Variants in ZNF800 observed in about 807,000 individuals in gnomAD.
ZNF800 encodes the protein zinc finger protein 800.
ZNF800 carries 13 observed loss-of-function variants against 59.5 expected under a neutral mutation model. The ratio of observed to expected loss-of-function variants is 0.22; its 90% CI spans 0.14 to 0.35. The LOEUF is 0.35. Among genes scored for constraint, ZNF800 ranks in the 10% least tolerant of loss-of-function variants. The probability of loss-of-function intolerance (pLI) is 1.00; values close to 1 mark genes in which losing one functional copy is unlikely to be tolerated. For missense variants in ZNF800, 621 were observed against 783.7 expected, an observed-to-expected ratio of 0.79 and a Z score of 2.48; for synonymous variants, 266 against 265.7, an observed-to-expected ratio of 1.00 and a Z score of -0.01.
intron 2 of ZNF800, among the ~76,000 whole-genome samples, chr7:127,390,015 T>G (rs1801257192): frequency 6.6e-6 from 1 of 152,174 alleles, no homozygotes; most frequent in African/African-American, 2.4e-5. Context: ...GAAAGAACTT[T>G]ATCTGTCTTG....
At chr7:127,388,960 T>C (rs1216739943) in intron 2 of ZNF800, among the ~76,000 whole-genome samples, 1 of 152,158 alleles carries the variant, frequency 6.6e-6, no homozygotes, top group Non-Finnish European at 1.5e-5. Context: ...CCAGGTTACA[T>C]GACCATTTAG....
chr7:127,346,038 A>T (rs180963256), downstream of ZNF800, among the ~76,000 whole-genome samples: 1 of 152,310 alleles, frequency 6.6e-6, no homozygotes, highest in African/African-American at 2.4e-5. Context: ...AACCTAAGGA[A>T]GAAGTCCTTG....
downstream of ZNF800, among the ~76,000 whole-genome samples, chr7:127,343,307 G>C (rs1186764457): frequency 6.6e-6 from 1 of 151,382 alleles, no homozygotes; most frequent in Non-Finnish European, 1.5e-5. Context: ...AAAAAGACTG[G>C]CAAGTCTAAT....
chr7:127,357,810 T>C (rs750489072), intron 1 of ZNF800, among the ~76,000 whole-genome samples: 1 of 151,828 alleles, frequency 6.6e-6, no homozygotes. Flanking sequence ...ATCAAATACA[T>C]GTTATATTAC....
chr7:127,391,389 C>T, intron 2 of ZNF800, 108 bp downstream of exon 2: 1 of 1,083,346 alleles, frequency 9.2e-7, no homozygotes, highest in South Asian at 1.3e-5. Context: ...AATATCATAG[C>T]CTGCTTAAGA....
rs968873575 is a variant in ZNF800 at position 127,372,487 on chromosome 7, A to C, written c.*-673T>G. 4 of 639,698 alleles carry C rather than the reference A, an allele frequency of 6.3e-6. No individual in the cohort carries two copies. In the African/African-American group the frequency reaches 7.9e-5, roughly 13 times the overall value. The allele number at this position is 639,698 out of a possible 1,614,324, so 39.6% of individuals were successfully genotyped here. The stretch of plus-strand genomic sequence containing the variant: ...AAGAGCGAAACTCCGTCTCAAAAAA[A>C]AAAAAAAAAAAGTAGTATTTTTCTT... On this transcript the variant is annotated intron_variant, in intron 5 of 5. Transcript: ENST00000265827.
intron 2 of ZNF800, 142 bp downstream of exon 2, chr7:127,391,355 C>A: frequency 1.3e-6 from 1 of 787,776 alleles, no homozygotes; most frequent in Non-Finnish European, 2.1e-6. Flanking sequence ...AAGCTTTTAG[C>A]TTCATAACTG....
rs1385219735 is a variant in ZNF800 at position 127,392,633 on chromosome 7, A to T, written c.-632T>A. 1 of 160,518 alleles carries T rather than the reference A, an allele frequency of 6.2e-6. No homozygotes were observed. Among genetic ancestry groups the T allele is most frequent in the Non-Finnish European group, 1.4e-5 (1 of 73,800 alleles). The allele number at this position is 160,518 out of a possible 1,614,324, so 9.9% of individuals were successfully genotyped here. A position where few individuals can be genotyped will look rare whatever the true frequency, so the allele number is the denominator to read the frequency against. On this transcript the variant is annotated 5_prime_UTR_variant, in exon 1 of 6. Coordinates refer to ENST00000265827, the MANE Select transcript of ZNF800 (RefSeq NM_176814.5). ...TACTCTGTCGCCCCCTCCTCCGGAG[A>T]GCCCGAGCTACCGCCGCGGAGCGCG... is the stretch of plus-strand genomic sequence containing the variant.
rs1399963922 is a variant in ZNF800 at position 127,392,658 on chromosome 7, G to A, written c.-657C>T. 6.4e-6 allele frequency: 1 copy of A among 156,166 alleles called. No individual in the cohort carries two copies. The highest frequency in any genetic ancestry group is 2.4e-5 in the African/African-American group (1 of 41,664). 9.7% of individuals were successfully genotyped at this position (156,166 alleles called of 1,614,324 possible). A position where few individuals can be genotyped will look rare whatever the true frequency, so the allele number is the denominator to read the frequency against. On this transcript the variant is annotated 5_prime_UTR_variant, in exon 1 of 6. It adds an upstream start codon to the 5' untranslated region. Coordinates refer to ENST00000265827, the MANE Select transcript of ZNF800 (RefSeq NM_176814.5). ...AGCCCGAGCTACCGCCGCGGAGCGC[G>A]TAGGAAGGGGGAAGCAGAGACTCTC...
intron 2 of ZNF800, 42 bp from the exon 3 acceptor site, chr7:127,386,197 A>T: frequency 7.9e-7 from 1 of 1,257,900 alleles, no homozygotes; most frequent in Non-Finnish European, 1.1e-6. Flanking sequence ...CCACAAAAAA[A>T]GGGTTATTTA....
chr7:127,369,449 T>C (rs1452514563), downstream of ZNF800, among the ~76,000 whole-genome samples: 2 of 152,104 alleles, frequency 1.3e-5, no homozygotes, highest in Non-Finnish European at 2.9e-5. Flanking sequence ...GCCTTAAGCC[T>C]GAGCCCCTGA....
chr7:127,346,608 C>T (rs1192399079), downstream of ZNF800, among the ~76,000 whole-genome samples: 2 of 152,092 alleles, frequency 1.3e-5, no homozygotes, highest in East Asian at 1.9e-4. Flanking sequence ...AATGAAGCAA[C>T]GAATTAGCTG....
intron 2 of ZNF800, among the ~76,000 whole-genome samples, chr7:127,386,789 T>C (rs1361642515): frequency 1.3e-5 from 2 of 152,234 alleles, no homozygotes; most frequent in African/African-American, 2.4e-5. Context: ...GACTTTTTCA[T>C]GGCTGTTAGA....
chr7:127,382,462 T>A (rs530181994), intron 3 of ZNF800, among the ~76,000 whole-genome samples: 1 of 152,050 alleles, frequency 6.6e-6, no homozygotes, highest in African/African-American at 2.4e-5. Flanking sequence ...AAACTGAAAG[T>A]GTTATAGAGA....
chr7:127,372,331 T>C (rs1174186118), intron 5 of ZNF800, among the ~76,000 whole-genome samples: 1 of 151,814 alleles, frequency 6.6e-6, no homozygotes, highest in Non-Finnish European at 1.5e-5. Context: ...AAATACAAAA[T>C]TAGCCGGGTG....
rs1587462007 is a variant in ZNF800, at chr7:127,392,453, G to A, written c.-452C>T. ...GGCTTCCCTCGCCGGGGCAACGGCT[G>A]CCGCCGCAACCCGGGTCCCACCAGC... On this transcript the variant is annotated 5_prime_UTR_variant, in exon 1 of 6. Transcript: ENST00000265827. The A allele has an allele frequency of 5.4e-6, 2 of 370,770 alleles. No individual in the cohort carries two copies. Among genetic ancestry groups the A allele is most frequent in the African/African-American group, 4.2e-5 (2 of 47,818 alleles). 23.0% of individuals were successfully genotyped at this position (370,770 alleles called of 1,614,324 possible). A position where few individuals can be genotyped will look rare whatever the true frequency, so the allele number is the denominator to read the frequency against.
chr7:127,352,211 T>A (rs1245461436), intron 1 of ZNF800, among the ~76,000 whole-genome samples: 1 of 152,308 alleles, frequency 6.6e-6, no homozygotes, highest in Admixed American at 6.5e-5. Context: ...GTCTTTGATA[T>A]TACAAGTAAC....
At position 127,384,227 on chromosome 7, in the gene ZNF800, C is replaced by CTTTTTTTTTTTTTTTTTTTTTTTTTTTT. The variant is rs577977623; in HGVS notation, c.157+1832_157+1833insAAAAAAAAAAAAAAAAAAAAAAAAAAAA. Among the ~76,000 whole-genome samples, 10 of 63,382 alleles carry CTTTTTTTTTTTTTTTTTTTTTTTTTTTT rather than the reference C, an allele frequency of 1.6e-4. 3 individuals are homozygous for CTTTTTTTTTTTTTTTTTTTTTTTTTTTT. The highest frequency in any genetic ancestry group is 2.5e-4 in the Non-Finnish European group (9 of 36,098). The allele number at this position is 63,382 out of a possible 152,430, so 41.6% of individuals were successfully genotyped here. On this transcript the variant is annotated intron_variant, in intron 3 of 5. Transcript: ENST00000265827. ...CTTATGACTTAACTAATTCTAACTT[C>CTTTTTTTTTTTTTTTTTTTTTTTTTTTT]TTTTTTTTTTTTTTTTTTTTTTTTT...
chr7:127,375,050 CA>C lies in ZNF800; in HGVS notation c.302-17del. 6.6e-7 allele frequency: 1 copy of C among 1,524,524 alleles called. No individual in the cohort carries two copies. The highest frequency in any genetic ancestry group is 8.7e-7 in the Non-Finnish European group (1 of 1,142,972). The allele number at this position is 1,524,524 out of a possible 1,614,324, so 94.4% of individuals were successfully genotyped here. On this transcript the variant is annotated splice_polypyrimidine_tract_variant and intron_variant, in intron 4 of 5. Transcript: ENST00000265827. Reference sequence around the variant, plus strand: ...TCAGGAAGGTCTGTTAAGGAAAAAACAACATTTTAATCTGAAGTAATTAGCC... The same window carrying C: ...TCAGGAAGGTCTGTTAAGGAAAAAACACATTTTAATCTGAAGTAATTAGCC...
Sources: gnomAD v4.1 joint callset for allele counts (sites outside exome capture counted in the v4.1 genomes callset) on GRCh38, gnomAD v4.1.1 for gene constraint, MANE v1.5 for transcripts, NCBI Gene and HGNC (gene_info 2026-07-23, HGNC 2026-07-21) for gene names.